LGSN: variants seen among roughly 807,000 people sequenced by gnomAD.
The protein encoded by LGSN is lengsin, lens protein with glutamine synthetase domain, also known as lengsin.
Under a neutral mutation model 19.5 loss-of-function variants are expected in LGSN, and 21 were observed. The ratio of observed to expected loss-of-function variants is 1.07; its 90% CI spans 0.76 to 1.55. LGSN has a LOEUF of 1.55. Ranked by LOEUF, LGSN falls within the 40% of genes most tolerant of loss-of-function variation. LGSN has a pLI of 0.00. For synonymous variants in LGSN, 257 were observed against 215.6 expected, an observed-to-expected ratio of 1.19 and a Z score of -1.68; for missense variants, 673 against 608.5, an observed-to-expected ratio of 1.11 and a Z score of -1.12.
chr6:63,415,494 C>A, the LGSN span, among the ~76,000 whole-genome samples: 3 of 152,014 alleles, frequency 2.0e-5, no homozygotes, highest in Admixed American at 2.0e-4. Flanking sequence ...GGAGAAGTGC[C>A]GAGGGAAGGG....
the LGSN span, among the ~76,000 whole-genome samples, chr6:63,535,485 A>G: frequency 6.6e-6 from 1 of 152,150 alleles, no homozygotes; most frequent in African/African-American, 2.4e-5. Flanking sequence ...AAAAAAAAGC[A>G]ATAATATGCA....
the LGSN span, chr6:63,392,640 C>T: frequency 6.6e-6 from 1 of 152,090 alleles, no homozygotes; most frequent in African/African-American, 2.4e-5. Context: ...GTGTTAGAGG[C>T]CTTTGAACCA....
At chr6:63,545,223 G>A in the LGSN span, among the ~76,000 whole-genome samples, 5 of 152,168 alleles carry the variant, frequency 3.3e-5, no homozygotes, top group South Asian at 2.1e-4. Flanking sequence ...GCAACTGGAA[G>A]TCTCTTCAAG....
chr6:63,467,628 A>G, the LGSN span, among the ~76,000 whole-genome samples: 1 of 152,176 alleles, frequency 6.6e-6, no homozygotes, highest in African/African-American at 2.4e-5. Flanking sequence ...TCCTCTTCTT[A>G]TAAGGACAGC....
intron 3 of LGSN, among the ~76,000 whole-genome samples, chr6:63,283,955 G>A (rs546532650): frequency 1.3e-5 from 2 of 151,894 alleles, no homozygotes; most frequent in South Asian, 2.1e-4. Flanking sequence ...CGGCCTCAGC[G>A]TCCCAAAGTG....
chr6:63,569,546 G>A, the LGSN span, among the ~76,000 whole-genome samples: 32 of 152,224 alleles, frequency 2.1e-4, no homozygotes, highest in Non-Finnish European at 3.7e-4. Context: ...TTACAGGCAT[G>A]AGCCTGTATG....
At chr6:63,317,706 T>G (rs1404197187) in intron 1 of LGSN, among the ~76,000 whole-genome samples, 4 of 152,096 alleles carry the variant, frequency 2.6e-5, no homozygotes, top group Non-Finnish European at 4.4e-5. Context: ...GAAGCAAGCC[T>G]CTAGAAGGTC....
chr6:63,466,056 A>G, the LGSN span, among the ~76,000 whole-genome samples: 3 of 152,110 alleles, frequency 2.0e-5, no homozygotes, highest in Non-Finnish European at 4.4e-5. Context: ...TGCCAACTCA[A>G]ATTCCTGGGC....
chr6:63,353,776 T>C, the LGSN span, among the ~76,000 whole-genome samples: 3 of 152,086 alleles, frequency 2.0e-5, no homozygotes, highest in Middle Eastern at 3.4e-3. Context: ...CAAAGCATCA[T>C]TACAGTGATA....
chr6:63,372,611 C>T, the LGSN span, among the ~76,000 whole-genome samples: 3 of 152,068 alleles, frequency 2.0e-5, no homozygotes, highest in South Asian at 2.1e-4. Context: ...AAATTATTTT[C>T]ATCTGACTTT....
intron 1 of LGSN, among the ~76,000 whole-genome samples, chr6:63,314,021 T>C (rs932499152): frequency 1.3e-5 from 2 of 152,008 alleles, no homozygotes; most frequent in Non-Finnish European, 2.9e-5. Context: ...AATCTGGGAT[T>C]GAAATAAAGG....
the LGSN span, among the ~76,000 whole-genome samples, chr6:63,354,923 A>G: frequency 6.6e-6 from 1 of 152,064 alleles, no homozygotes; most frequent in Non-Finnish European, 1.5e-5. Context: ...TATGGGAGAA[A>G]AAAAAAAAGT....
At chr6:63,554,106 C>G in the LGSN span, among the ~76,000 whole-genome samples, 11 of 152,100 alleles carry the variant, frequency 7.2e-5, no homozygotes, top group African/African-American at 2.7e-4. Context: ...ACTGAAAGCA[C>G]AAATATTCAA....
the LGSN span, among the ~76,000 whole-genome samples, chr6:63,393,241 C>T: frequency 6.6e-6 from 1 of 151,548 alleles, no homozygotes; most frequent in Admixed American, 6.6e-5. Flanking sequence ...GATCTTGGCA[C>T]ACTGCAACCT....
At chr6:63,412,483 G>GAAGAAAGAAAGAAAGA in the LGSN span, among the ~76,000 whole-genome samples, 66 of 52,856 alleles carry the variant, frequency 1.2e-3, 2 homozygotes, top group Middle Eastern at 0.015. Flanking sequence ...AGAAGAAAGA[G>GAAGAAAGAAAGAAAGA]AAGAAAGAAA....
At chr6:63,432,162 A>AAAGG in the LGSN span, among the ~76,000 whole-genome samples, 1 of 114,372 alleles carries the variant, frequency 8.7e-6, no homozygotes, top group Non-Finnish European at 1.7e-5. Context: ...AGAAAGAAAG[A>AAAGG]AAGAAAGAAA....
chr6:63,505,622 A>G, the LGSN span, among the ~76,000 whole-genome samples: 2 of 128,682 alleles, frequency 1.6e-5, no homozygotes, highest in Non-Finnish European at 3.3e-5. Context: ...AGAAAGAAAG[A>G]AAGAAAGAAA....
the LGSN span, among the ~76,000 whole-genome samples, chr6:63,465,699 AT>A: frequency 1.3e-5 from 2 of 152,146 alleles, no homozygotes; most frequent in African/African-American, 4.8e-5. Context: ...ATACTAGCAT[AT>A]TTTTTTTCAG....
At chr6:63,514,478 C>T in the LGSN span, among the ~76,000 whole-genome samples, 1 of 152,294 alleles carries the variant, frequency 6.6e-6, no homozygotes, top group East Asian at 1.9e-4. Flanking sequence ...CCGCCCACCT[C>T]GGCCTCCCGA....
Sources: allele counts gnomAD v4.1 joint callset (sites outside exome capture counted in the v4.1 genomes callset), GRCh38; gene constraint gnomAD v4.1.1; transcripts MANE v1.5; gene names NCBI Gene and HGNC (gene_info 2026-07-23, HGNC 2026-07-21).